Variants in ABCA9 observed in about 807,000 individuals in gnomAD.
ABCA9 encodes ATP binding cassette subfamily A member 9.
ABCA9 carries 183 observed loss-of-function variants against 205.3 expected under a neutral mutation model. That is an observed-to-expected ratio of 0.89 (90% confidence interval 0.79 to 1.01). ABCA9 has a LOEUF of 1.01. Ranked by LOEUF, ABCA9 falls within the 50% of genes least tolerant of loss-of-function variation. ABCA9 has a pLI of 0.00. For synonymous variants in ABCA9, 651 were observed against 683.3 expected (o/e 0.95, Z 0.74); for missense variants, 1,805 against 1,912.4 (o/e 0.94, Z 1.05).
At chr17:69,031,108 A>G (rs1451227226) in intron 10 of ABCA9, among the ~76,000 whole-genome samples, 4 of 152,184 alleles carry the variant, frequency 2.6e-5, no homozygotes, top group Admixed American at 6.6e-5. Flanking sequence ...GTTGCTAGGG[A>G]TAATTTTTCT....
intron 28 of ABCA9, among the ~76,000 whole-genome samples, chr17:68,991,358 A>G (rs1249636566): frequency 6.6e-6 from 1 of 152,200 alleles, no homozygotes; most frequent in Non-Finnish European, 1.5e-5. Flanking sequence ...ATTTGGAATC[A>G]AGGATGTGTC....
chr17:68,991,157 T>C (rs1358442299), intron 28 of ABCA9, among the ~76,000 whole-genome samples, 200 bp from the exon 29 acceptor site: 1 of 152,190 alleles, frequency 6.6e-6, no homozygotes, highest in Non-Finnish European at 1.5e-5. Flanking sequence ...CCTTATATCA[T>C]CTTCGCTTTT....
chr17:69,058,964 C>T (rs79578057), intron 1 of ABCA9, among the ~76,000 whole-genome samples: 1 of 152,038 alleles, frequency 6.6e-6, no homozygotes, highest in Non-Finnish European at 1.5e-5. Context: ...AGCAAAGTCA[C>T]GTCTTATATG....
At position 69,033,786 on chromosome 17, in the gene ABCA9, A is replaced by G. The variant is rs370198623; in HGVS notation, c.1216T>C (p.Leu406=). ...AAATACAGAAGGGTGTCAAAAACCA[A>G]CATGAAAAGAGTAGCTATTATGAGG... is the stretch of plus-strand genomic sequence containing the variant. ...PYLIIATLFM[L]VFDTLLYLVL... Residue 406 remains leucine (L), a synonymous_variant, in exon 9 of 39, where the codon TTG becomes CTG. Transcript: ENST00000340001. The G allele has an allele frequency of 6.8e-6, 11 of 1,612,238 alleles. No homozygotes were observed. In the South Asian group the frequency reaches 1.2e-4, roughly 18 times the overall value.
At chr17:69,029,346 G>T in intron 10 of ABCA9, 119 bp from the exon 11 acceptor site, 1 of 592,822 alleles carries the variant, frequency 1.7e-6, no homozygotes, top group Non-Finnish European at 2.8e-6. Context: ...TTCTTGTAAA[G>T]CCTCAAAGAA....
the ABCA9 span, among the ~76,000 whole-genome samples, chr17:69,066,083 C>T: frequency 6.6e-6 from 1 of 152,326 alleles, no homozygotes; most frequent in East Asian, 1.9e-4. Flanking sequence ...TATGTCTTTA[C>T]TAGCAACGTG....
At position 68,997,814 on chromosome 17, in the gene ABCA9, C is replaced by T. The variant is rs144834178; in HGVS notation, c.3436-1800G>A. 7.0e-3 allele frequency among the ~76,000 whole-genome samples: 1,072 copies of T among 152,138 alleles called. 14 individuals carry two copies. The highest frequency in any genetic ancestry group is 0.024 in the African/African-American group (989 of 41,500). The stretch of plus-strand genomic sequence containing the variant: ...TTGACACATCTTTAACACCCAGAGT[C>T]CATAGTTTACATTAGAGCTTACTCT... On this transcript the variant is annotated intron_variant, in intron 25 of 38. Coordinates refer to ENST00000340001, the MANE Select transcript of ABCA9 (RefSeq NM_080283.4).
In ABCA9 at chr17:69,019,628, A is replaced by G. The variant is rs113511370; in HGVS notation, c.2600+760T>C. ...ACTGTCATGTCTGATTTCTTTTGAT[A>G]TATGTTATAATCACTTAATAATAGA... On this transcript the variant is annotated intron_variant, in intron 19 of 38. Coordinates refer to ENST00000340001, the MANE Select transcript of ABCA9 (RefSeq NM_080283.4). 5.0e-3 allele frequency among the ~76,000 whole-genome samples: 765 copies of G among 152,288 alleles called. 9 individuals carry two copies. The highest frequency in any genetic ancestry group is 0.018 in the African/African-American group (729 of 41,568).
At chr17:68,985,013 T>A in intron 33 of ABCA9, 34 bp from the exon 34 acceptor site, 1 of 1,614,224 alleles carries the variant, frequency 6.2e-7, no homozygotes, top group Non-Finnish European at 8.5e-7. Flanking sequence ...CTGGTTCCCA[T>A]CTACGGCACT....
At chr17:69,032,044 C>T (rs2071166828) in intron 10 of ABCA9, 64 bp downstream of exon 10, 2 of 1,490,902 alleles carry the variant, frequency 1.3e-6, no homozygotes, top group South Asian at 1.3e-5. Flanking sequence ...CCTAGTGTGT[C>T]ACCTGACAGA....
chr17:69,062,003 C>T (rs185693772), upstream of ABCA9, among the ~76,000 whole-genome samples: 371 of 152,224 alleles, frequency 2.4e-3, 2 homozygotes, highest in Non-Finnish European at 3.8e-3. Context: ...ATGAAATCTT[C>T]CTTACCCATT....
At chr17:68,989,722 T>C (rs1288158059) in intron 30 of ABCA9, 91 bp downstream of exon 30, 6 of 791,716 alleles carry the variant, frequency 7.6e-6, no homozygotes, top group East Asian at 2.5e-5. Flanking sequence ...CGTTTGTCAA[T>C]AGATGTCCCC....
Position 68,990,818 on chromosome 17 carries a change from G to T in ABCA9, c.3837+19C>A. 6.3e-7 allele frequency: 1 copy of T among 1,596,064 alleles called. No homozygotes were observed. The highest frequency in any genetic ancestry group is 1.2e-5 in the South Asian group (1 of 86,678). ...GTCAGAAAAAAAAATAGTTGACGAA[G>T]AACATTTCTGAGTTCTACCTCATCA... On this transcript the variant is annotated intron_variant, in intron 29 of 38. Transcript: ENST00000340001.
chr17:69,021,504 G>T (rs2070806034), intron 18 of ABCA9, among the ~76,000 whole-genome samples: 1 of 151,892 alleles, frequency 6.6e-6, no homozygotes, highest in East Asian at 1.9e-4. Context: ...TATATTTATT[G>T]TTTGCTGCAT....
chr17:68,983,888 G>GA, intron 35 of ABCA9, 39 bp from the exon 36 acceptor site: 1 of 1,613,398 alleles, frequency 6.2e-7, no homozygotes. Flanking sequence ...CAAGAAAAGA[G>GA]AAAAATGTAT....
chr17:69,032,311 G>A, intron 9 of ABCA9, 35 bp from the exon 10 acceptor site: 1 of 1,593,278 alleles, frequency 6.3e-7, no homozygotes, highest in African/African-American at 1.3e-5. Context: ...TACTGGGTCA[G>A]TCATCGCTTC....
chr17:68,995,621 G>T (rs1376698761), intron 26 of ABCA9, among the ~76,000 whole-genome samples: 1 of 152,086 alleles, frequency 6.6e-6, no homozygotes, highest in East Asian at 1.9e-4. Flanking sequence ...GCATCTCTTT[G>T]GCCTCCCAGT....
chr17:69,067,008 T>C, the ABCA9 span, among the ~76,000 whole-genome samples: 1 of 152,108 alleles, frequency 6.6e-6, no homozygotes, highest in Non-Finnish European at 1.5e-5. Context: ...TTGAAACTGA[T>C]AAATAGTGAG....
chr17:69,043,841 T>C, intron 5 of ABCA9, 126 bp from the exon 6 acceptor site: 1 of 818,348 alleles, frequency 1.2e-6, no homozygotes, highest in East Asian at 2.7e-5. Flanking sequence ...ATGCCCTTCA[T>C]GATCTGGCCC....
Sources: gnomAD v4.1 joint callset for allele counts (sites outside exome capture counted in the v4.1 genomes callset) on GRCh38, gnomAD v4.1.1 for gene constraint, MANE v1.5 for transcripts, NCBI Gene and HGNC (gene_info 2026-07-23, HGNC 2026-07-21) for gene names.